PTPRM: variants seen among roughly 807,000 people sequenced by gnomAD.
PTPRM encodes receptor-type tyrosine-protein phosphatase mu.
Under a neutral mutation model 186.7 loss-of-function variants are expected in PTPRM, and 47 were observed. The ratio of observed to expected loss-of-function variants is 0.25; its 90% CI spans 0.20 to 0.32. PTPRM has a LOEUF of 0.32. Ranked by LOEUF, PTPRM falls within the 10% of genes least tolerant of loss-of-function variation. The probability of loss-of-function intolerance (pLI) is 1.00; values close to 1 mark genes in which losing one functional copy is unlikely to be tolerated. For missense variants in PTPRM, 1,494 were observed against 1,865.0 expected, an observed-to-expected ratio of 0.80 and a Z score of 3.66; for synonymous variants, 668 against 674.9, an observed-to-expected ratio of 0.99 and a Z score of 0.16.
At chr18:7,766,468 C>T (rs1003992003) in intron 1 of PTPRM, among the ~76,000 whole-genome samples, 2 of 152,200 alleles carry the variant, frequency 1.3e-5, no homozygotes, top group Non-Finnish European at 2.9e-5. Flanking sequence ...CAGGGGAAGG[C>T]TGTGGCTCAG....
At chr18:8,299,326 C>A (rs2095130403) in intron 20 of PTPRM, among the ~76,000 whole-genome samples, 1 of 152,070 alleles carries the variant, frequency 6.6e-6, no homozygotes, top group Non-Finnish European at 1.5e-5. Context: ...CTGTGGGAGG[C>A]ACTGCTATAA....
At chr18:7,981,335 C>A (rs59782869) in intron 7 of PTPRM, among the ~76,000 whole-genome samples, 7,976 of 152,206 alleles carry the variant, frequency 0.052, 497 homozygotes, top group African/African-American at 0.15. Flanking sequence ...ATCTGCCTGT[C>A]TATGAATGCA....
At chr18:7,892,971 T>C (rs1045944642) in intron 3 of PTPRM, among the ~76,000 whole-genome samples, 1 of 152,126 alleles carries the variant, frequency 6.6e-6, no homozygotes, top group Non-Finnish European at 1.5e-5. Flanking sequence ...GGGATTAGGG[T>C]TTCAGCGTGA....
At chr18:7,842,141 C>T (rs1044882669) in intron 2 of PTPRM, among the ~76,000 whole-genome samples, 1 of 152,026 alleles carries the variant, frequency 6.6e-6, no homozygotes, top group Non-Finnish European at 1.5e-5. Flanking sequence ...CCCACTTTCA[C>T]ATAAAGATAG....
chr18:8,259,612 A>C (rs887682678), intron 19 of PTPRM, among the ~76,000 whole-genome samples: 6 of 151,872 alleles, frequency 4.0e-5, no homozygotes, highest in African/African-American at 1.5e-4. Flanking sequence ...TTAAGAAAAA[A>C]TTATTATTAA....
At chr18:7,573,718 T>G (rs1266144345) in intron 1 of PTPRM, among the ~76,000 whole-genome samples, 1 of 152,050 alleles carries the variant, frequency 6.6e-6, no homozygotes, top group African/African-American at 2.4e-5. Flanking sequence ...GCCTCCCGAG[T>G]GGCTGGAATT....
intron 22 of PTPRM, among the ~76,000 whole-genome samples, chr18:8,320,969 T>C (rs1453807450): frequency 2.0e-5 from 3 of 152,150 alleles, no homozygotes; most frequent in Non-Finnish European, 2.9e-5. Context: ...CTCTTACATA[T>C]GGGATAGAAC....
chr18:7,777,350 A>T (rs1199132073), intron 2 of PTPRM, among the ~76,000 whole-genome samples: 1 of 152,174 alleles, frequency 6.6e-6, no homozygotes, highest in East Asian at 1.9e-4. Context: ...AAAAAGCAAA[A>T]AGAATAATAA....
chr18:7,666,110 A>T (rs184115376), intron 1 of PTPRM, among the ~76,000 whole-genome samples: 10 of 152,308 alleles, frequency 6.6e-5, no homozygotes, highest in African/African-American at 1.9e-4. Context: ...TTAATAAAGA[A>T]TGTTTCCATA....
intron 1 of PTPRM, chr18:7,754,898 T>C (rs189219633): frequency 1.2e-4 from 19 of 152,112 alleles, no homozygotes; most frequent in African/African-American, 4.3e-4. Flanking sequence ...TAGTTAGAGA[T>C]TATTCACTGT....
chr18:8,388,700 G>T (rs1439657986), intron 31 of PTPRM, among the ~76,000 whole-genome samples: 1 of 152,136 alleles, frequency 6.6e-6, no homozygotes, highest in East Asian at 1.9e-4. Context: ...AGTGGCTCAC[G>T]CCTGTAATCC....
chr18:7,857,893 A>G (rs533893057), intron 2 of PTPRM, among the ~76,000 whole-genome samples: 1 of 152,322 alleles, frequency 6.6e-6, no homozygotes, highest in Non-Finnish European at 1.5e-5. Context: ...AAAGAAGCAA[A>G]TGATGGAACC....
At chr18:7,647,391 C>A (rs1234417762) in intron 1 of PTPRM, among the ~76,000 whole-genome samples, 3 of 152,112 alleles carry the variant, frequency 2.0e-5, no homozygotes, top group African/African-American at 7.2e-5. Flanking sequence ...TCCCTTAATT[C>A]TTACAAAGGT....
intron 1 of PTPRM, among the ~76,000 whole-genome samples, chr18:7,733,168 A>G (rs991541002): frequency 8.5e-5 from 13 of 152,230 alleles, no homozygotes; most frequent in Middle Eastern, 3.4e-3. Context: ...TGCTGCACCT[A>G]TCAACCCATC....
At chr18:7,945,056 G>A (rs2052426694) in intron 5 of PTPRM, among the ~76,000 whole-genome samples, 1 of 152,126 alleles carries the variant, frequency 6.6e-6, no homozygotes, top group South Asian at 2.1e-4. Context: ...GTGGATTAAT[G>A]GGTTATCATG....
At chr18:8,191,761 A>C (rs1243373488) in intron 14 of PTPRM, among the ~76,000 whole-genome samples, 1 of 152,170 alleles carries the variant, frequency 6.6e-6, no homozygotes, top group Admixed American at 6.5e-5. Context: ...CTCTGACTAC[A>C]TTTTTTAATA....
intron 7 of PTPRM, among the ~76,000 whole-genome samples, chr18:8,021,315 GAGACACACAC>G (rs1453646173): frequency 2.0e-5 from 2 of 99,134 alleles, no homozygotes; most frequent in African/African-American, 4.3e-5. Context: ...AAGCATAAAA[GAGACACACAC>G]ACACACACAC....
intron 14 of PTPRM, among the ~76,000 whole-genome samples, chr18:8,222,169 A>G (rs1455650194): frequency 6.6e-6 from 1 of 152,224 alleles, no homozygotes; most frequent in Non-Finnish European, 1.5e-5. Context: ...TTTGTCCATA[A>G]GAACTCAAGT....
intron 14 of PTPRM, among the ~76,000 whole-genome samples, chr18:8,231,678 G>T (rs971433939): frequency 3.9e-5 from 6 of 152,004 alleles, no homozygotes; most frequent in African/African-American, 1.2e-4. Flanking sequence ...AATTCAGCGC[G>T]CATTTCTCTC....
Sources: gnomAD v4.1 joint callset for allele counts (sites outside exome capture counted in the v4.1 genomes callset) on GRCh38, gnomAD v4.1.1 for gene constraint, MANE v1.5 for transcripts, NCBI Gene and HGNC (gene_info 2026-07-23, HGNC 2026-07-21) for gene names.